IQGAP1: variants seen among roughly 807,000 people sequenced by gnomAD.
IQGAP1 encodes the protein IQ motif containing GTPase activating protein 1.
A neutral mutation model predicts 215.6 loss-of-function variants in IQGAP1; 66 were observed. The ratio of observed to expected loss-of-function variants is 0.31; its 90% confidence interval spans 0.25 to 0.38. The LOEUF is 0.38. Ranked by LOEUF, IQGAP1 falls within the 10% of genes least tolerant of loss-of-function variation. The probability of loss-of-function intolerance (pLI) is 1.00; values close to 1 mark genes in which losing one functional copy is unlikely to be tolerated. For synonymous variants in IQGAP1, 772 were observed against 728.7 expected (o/e 1.06, Z -0.96); for missense variants, 1,712 against 1,997.1 (o/e 0.86, Z 2.72).
intron 2 of IQGAP1, among the ~76,000 whole-genome samples, chr15:90,392,748 C>T (rs1417599169): frequency 1.4e-4 from 17 of 117,800 alleles, no homozygotes; most frequent in African/African-American, 2.8e-4. Flanking sequence ...ATGTTTCTAT[C>T]TTTTTTTTTT....
chr15:90,465,604 A>G (rs974356591), intron 15 of IQGAP1, among the ~76,000 whole-genome samples: 1 of 152,180 alleles, frequency 6.6e-6, no homozygotes. Context: ...CCTGGGCTCA[A>G]GCAATCCTGC....
At chr15:90,419,413 T>G (rs1965101412) in intron 2 of IQGAP1, among the ~76,000 whole-genome samples, 1 of 152,204 alleles carries the variant, frequency 6.6e-6, no homozygotes, top group Admixed American at 6.5e-5. Context: ...TTCTTTCCTG[T>G]TTAGTACTTG....
chr15:90,486,915 T>G, intron 31 of IQGAP1, 39 bp from the exon 32 acceptor site: 1 of 1,598,680 alleles, frequency 6.3e-7, no homozygotes, highest in Non-Finnish European at 8.5e-7. Context: ...ATCTCCTCTC[T>G]TTATTACGCT....
At position 90,426,238 on chromosome 15, in the gene IQGAP1, T is replaced by C; in HGVS notation, c.284T>C (p.Ile95Thr). 3.7e-6 allele frequency: 6 copies of C among 1,603,500 alleles called. No homozygotes were observed. Among genetic ancestry groups the C allele is most frequent in the South Asian group, 1.1e-5 (1 of 89,174 alleles). ...CCCAAAGTAGTGTCCCTGAAAAAAATCTATGATCGAGAACAGACCAGATAC... is the reference window on the plus strand; with the variant it reads ...CCCAAAGTAGTGTCCCTGAAAAAAACCTATGATCGAGAACAGACCAGATAC... ...FSPKVVSLKKIYDREQTRYKA... is the reference protein window; with the variant it reads ...FSPKVVSLKKTYDREQTRYKA... The change falls in exon 3 of 38, where the codon ATC (isoleucine) becomes ACC (threonine). Residue 95 changes from isoleucine to threonine, a missense_variant. Around this residue, in one of 2 missense-constraint regions of IQGAP1, gnomAD observed 1,021 missense variants for 1,074.2 expected, o/e 0.95. Transcript: ENST00000268182.
rs369122511 is a variant in IQGAP1 at position 90,396,771 on chromosome 15, T to G, written c.155+5898T>G. On this transcript the variant is annotated intron_variant, in intron 2 of 37. Coordinates refer to ENST00000268182, the MANE Select transcript of IQGAP1 (RefSeq NM_003870.4). The stretch of plus-strand genomic sequence containing the variant: ...TGAGTGCTTTTCTGTATTGTAACAC[T>G]GTTGCAAATGGGGAGTATTCATTCC... Among the ~76,000 whole-genome samples, 13 of 152,308 alleles carry G rather than the reference T, an allele frequency of 8.5e-5. No individual in the cohort carries two copies. The South Asian group carries it at 1.7e-3, about 19-fold the overall frequency.
At chr15:90,499,554 C>T (rs938882089) in intron 37 of IQGAP1, among the ~76,000 whole-genome samples, 5 of 152,134 alleles carry the variant, frequency 3.3e-5, no homozygotes, top group South Asian at 2.1e-4. Flanking sequence ...CTCATTTCCC[C>T]GTGCTTAGTA....
At chr15:90,442,072 A>G (rs1311037209) in intron 8 of IQGAP1, among the ~76,000 whole-genome samples, 2 of 152,212 alleles carry the variant, frequency 1.3e-5, no homozygotes, top group East Asian at 3.8e-4. Context: ...GAGCGTAGCC[A>G]TTAAAATTAA....
intron 15 of IQGAP1, among the ~76,000 whole-genome samples, chr15:90,460,863 G>A (rs573977039): frequency 2.6e-5 from 4 of 151,944 alleles, no homozygotes; most frequent in Non-Finnish European, 5.9e-5. Flanking sequence ...GCTGGACACG[G>A]TGGTGTGCAC....
chr15:90,494,553 C>T, intron 35 of IQGAP1, 160 bp from the exon 36 acceptor site: 2 of 485,854 alleles, frequency 4.1e-6, no homozygotes, highest in Non-Finnish European at 3.7e-6. Context: ...AGAGATATTG[C>T]TTAGGCTAAT....
intron 33 of IQGAP1, 35 bp downstream of exon 33, chr15:90,487,617 G>A (rs551987761): frequency 7.2e-7 from 1 of 1,393,052 alleles, no homozygotes; most frequent in South Asian, 1.2e-5. Flanking sequence ...CCTTTGTTTG[G>A]TAGATAAGCT....
Position 90,443,476 on chromosome 15 carries a change from A to G in IQGAP1, c.911A>G (p.Asn304Ser), listed in dbSNP as rs1327706122. ...ATTCAAGGCAATATAAACAAAGTCA[A>G]TAGTAAGTATGTTCCTGAATCAGGC... Reference protein sequence around the residue: ...AEIQGNINKVNTFSALANIDL... With the variant: ...AEIQGNINKVSTFSALANIDL... The change falls in exon 9 of 38, where the codon AAT becomes AGT. Residue 304 changes from asparagine (N) to serine (S), a missense_variant and splice_region_variant. Transcript: ENST00000268182. 2.5e-6 allele frequency: 4 copies of G among 1,582,826 alleles called. No homozygotes were observed. The highest frequency in any genetic ancestry group is 1.1e-5 in the South Asian group (1 of 90,270).
At chr15:90,424,086 G>A (rs1965186742) in intron 2 of IQGAP1, among the ~76,000 whole-genome samples, 1 of 151,290 alleles carries the variant, frequency 6.6e-6, no homozygotes, top group South Asian at 2.1e-4. Flanking sequence ...GGCTGAGGTT[G>A]TTAGGTTTTC....
At chr15:90,412,727 A>G (rs897981269) in intron 2 of IQGAP1, among the ~76,000 whole-genome samples, 2 of 152,300 alleles carry the variant, frequency 1.3e-5, no homozygotes, top group Non-Finnish European at 2.9e-5. Flanking sequence ...TAGAATCCTA[A>G]TTGTGGAGAA....
At chr15:90,467,674 G>C in intron 18 of IQGAP1, 82 bp downstream of exon 18, 1 of 1,381,860 alleles carries the variant, frequency 7.2e-7, no homozygotes, top group Non-Finnish European at 9.8e-7. Flanking sequence ...AACAGGGCAT[G>C]TGGTCAGAAG....
chr15:90,480,403 G>A (rs1005746301), intron 26 of IQGAP1, among the ~76,000 whole-genome samples: 1 of 152,054 alleles, frequency 6.6e-6, no homozygotes, highest in Non-Finnish European at 1.5e-5. Flanking sequence ...TCTTGGGAAT[G>A]TTCTTTCCTA....
At chr15:90,460,512 A>T (rs940040532) in intron 15 of IQGAP1, among the ~76,000 whole-genome samples, 3 of 152,216 alleles carry the variant, frequency 2.0e-5, no homozygotes, top group Non-Finnish European at 4.4e-5. Context: ...AAAGACAGCC[A>T]TGCGAGTGTG....
At chr15:90,435,959 T>C (rs935861908) in intron 5 of IQGAP1, among the ~76,000 whole-genome samples, 1 of 152,104 alleles carries the variant, frequency 6.6e-6, no homozygotes, top group African/African-American at 2.4e-5. Flanking sequence ...AACACAGCCA[T>C]GTTCAAAGCA....
Position 90,472,959 on chromosome 15 carries a change from A to T in IQGAP1, c.2298A>T (p.Arg766=), listed in dbSNP as rs1354658124. The change falls in exon 19 of 38, where the codon CGA becomes CGT. Residue 766 remains arginine, a synonymous_variant. Transcript: ENST00000268182. Reference sequence around the variant, plus strand: ...GATACTTAGTTCGACAGGAATTCCGATCCAGGATGAATTTCCTGAAGAAAC... The same window carrying T: ...GATACTTAGTTCGACAGGAATTCCGTTCCAGGATGAATTTCCTGAAGAAAC... ...CRGYLVRQEF[R]SRMNFLKKQI... 5 of 1,614,036 alleles carry T rather than the reference A, an allele frequency of 3.1e-6. No individual in the cohort carries two copies. The highest frequency in any genetic ancestry group is 1.3e-5 in the African/African-American group (1 of 74,998).
At position 90,474,697 on chromosome 15, in the gene IQGAP1, T is replaced by G. The variant is rs777869204; in HGVS notation, c.2784+4T>G. 2 of 1,606,116 alleles carry G rather than the reference T, an allele frequency of 1.2e-6. No individual in the cohort carries two copies. The highest frequency in any genetic ancestry group is 4.5e-5 in the East Asian group (2 of 44,844). ...GAAAAATAAGATTACGTTGCAGGTA[T>G]GGCCCAGTGCCAGCGGGGGCCTTGG... On this transcript the variant is annotated splice_donor_region_variant and intron_variant, in intron 23 of 37. Transcript: ENST00000268182.
Sources: allele counts gnomAD v4.1 joint callset (sites outside exome capture counted in the v4.1 genomes callset), GRCh38; gene constraint gnomAD v4.1.1; regional missense constraint gnomAD v4.1.1; transcripts MANE v1.5; gene names NCBI Gene and HGNC (gene_info 2026-07-23, HGNC 2026-07-21).